The following PIP5K1B variants were observed in gnomAD, a reference collection of about 807,000 sequenced individuals.
PIP5K1B encodes the protein phosphatidylinositol 4-phosphate 5-kinase type-1 beta.
A neutral mutation model predicts 67.0 loss-of-function variants in PIP5K1B; 42 were observed. The observed-to-expected ratio is 0.63, with a 90% confidence interval of 0.49 to 0.81. PIP5K1B has a LOEUF of 0.81. Ranked by LOEUF, PIP5K1B falls within the 30% of genes least tolerant of loss-of-function variation. The probability of loss-of-function intolerance (pLI) is 0.00; values close to 1 mark genes in which losing one functional copy is unlikely to be tolerated. For synonymous variants in PIP5K1B, 214 were observed against 231.4 expected (o/e 0.92, Z 0.68); for missense variants, 459 against 646.3 (o/e 0.71, Z 3.14).
In PIP5K1B at chr9:68,932,961, A is replaced by G. The variant is rs568618502; in HGVS notation, c.1202-1929A>G. ...ACTAAAAATACAAAATTAGCCAGGC[A>G]TGGTGGCGCATGCCTGTAATCCCAG... On this transcript the variant is annotated intron_variant, in intron 12 of 15. Coordinates refer to ENST00000265382, the MANE Select transcript of PIP5K1B (RefSeq NM_003558.4). Among the ~76,000 whole-genome samples, 300 of 152,164 alleles carry G rather than the reference A, an allele frequency of 2.0e-3. 1 individual carries two copies. Among genetic ancestry groups the G allele is most frequent in the African/African-American group, 6.9e-3 (286 of 41,518 alleles).
At chr9:68,867,709 A>C (rs1416364284) in intron 5 of PIP5K1B, among the ~76,000 whole-genome samples, 1 of 152,242 alleles carries the variant, frequency 6.6e-6, no homozygotes, top group African/African-American at 2.4e-5. Flanking sequence ...ATTAAACTTC[A>C]ATAAATCAGT....
At chr9:68,999,884 T>C (rs1196694752) in intron 15 of PIP5K1B, among the ~76,000 whole-genome samples, 1 of 152,106 alleles carries the variant, frequency 6.6e-6, no homozygotes, top group Non-Finnish European at 1.5e-5. Context: ...GAAGAGCAAG[T>C]GTGTGTCTCA....
At chr9:68,968,859 A>G (rs978372769) in intron 14 of PIP5K1B, among the ~76,000 whole-genome samples, 19 of 152,192 alleles carry the variant, frequency 1.2e-4, no homozygotes, top group Middle Eastern at 6.8e-3. Context: ...AACCTCTCCA[A>G]GATTCTCTAC....
At chr9:68,948,645 C>CA (rs35143149) in intron 14 of PIP5K1B, among the ~76,000 whole-genome samples, 46,463 of 143,980 alleles carry the variant, frequency 0.32, 9,124 homozygotes, top group African/African-American at 0.55. Flanking sequence ...GACCTTGCCT[C>CA]AAAAAAAAAA....
intron 4 of PIP5K1B, among the ~76,000 whole-genome samples, chr9:68,833,303 G>A (rs1834418779): frequency 1.3e-5 from 2 of 152,272 alleles, no homozygotes; most frequent in African/African-American, 2.4e-5. Flanking sequence ...GAAGGAGGCA[G>A]TCAAGATAAG....
At chr9:68,929,434 ACCT>A (rs762806274) in intron 12 of PIP5K1B, among the ~76,000 whole-genome samples, 2 of 151,628 alleles carry the variant, frequency 1.3e-5, no homozygotes, top group African/African-American at 2.4e-5. Context: ...ATAGAAACAA[ACCT>A]CCTCAACGAT....
chr9:68,969,430 AT>A (rs1829237291), intron 14 of PIP5K1B, among the ~76,000 whole-genome samples: 2 of 151,926 alleles, frequency 1.3e-5, no homozygotes, highest in African/African-American at 4.8e-5. Flanking sequence ...CAGAGCCTCA[AT>A]CAAGGGAAGC....
intron 7 of PIP5K1B, among the ~76,000 whole-genome samples, chr9:68,893,523 A>G (rs1225675637): frequency 6.6e-6 from 1 of 151,832 alleles, no homozygotes; most frequent in Non-Finnish European, 1.5e-5. Flanking sequence ...TAGTAGAGAC[A>G]GGGTTTCACC....
chr9:68,793,387 G>A (rs1251663257), intron 2 of PIP5K1B, among the ~76,000 whole-genome samples: 1 of 152,112 alleles, frequency 6.6e-6, no homozygotes, highest in African/African-American at 2.4e-5. Context: ...GTAGAGGCAG[G>A]GGGACCAATT....
chr9:68,797,023 A>G (rs746881438), intron 2 of PIP5K1B, among the ~76,000 whole-genome samples: 20 of 152,188 alleles, frequency 1.3e-4, no homozygotes, highest in Non-Finnish European at 2.5e-4. Context: ...GTGACCATAT[A>G]TAGATCTTAG....
At chr9:68,937,877 A>G (rs943699577) in intron 13 of PIP5K1B, among the ~76,000 whole-genome samples, 1 of 152,176 alleles carries the variant, frequency 6.6e-6, no homozygotes, top group African/African-American at 2.4e-5. Flanking sequence ...GTCATTCAGG[A>G]GCAGGTTGTT....
chr9:68,961,216 C>CAAAA (rs544251006), intron 14 of PIP5K1B, among the ~76,000 whole-genome samples: 1,608 of 56,210 alleles, frequency 0.029, 42 homozygotes, highest in African/African-American at 0.11. Context: ...GACTCCGTCT[C>CAAAA]AAAAAAAAAA....
At chr9:69,006,054 A>T (rs1266423825) in intron 15 of PIP5K1B, among the ~76,000 whole-genome samples, 1 of 151,548 alleles carries the variant, frequency 6.6e-6, no homozygotes. Flanking sequence ...TAATTATTTT[A>T]TTTTATTTTT....
chr9:68,949,158 A>G (rs1564261153), intron 14 of PIP5K1B, among the ~76,000 whole-genome samples: 3 of 152,092 alleles, frequency 2.0e-5, no homozygotes, highest in Admixed American at 6.5e-5. Context: ...AAAACACTAC[A>G]TCTTTATTTC....
At chr9:68,876,408 G>A (rs2132317195) in intron 5 of PIP5K1B, among the ~76,000 whole-genome samples, 1 of 152,290 alleles carries the variant, frequency 6.6e-6, no homozygotes, top group South Asian at 2.1e-4. Flanking sequence ...GATCTTCCCA[G>A]GAAGAAGGCA....
In PIP5K1B at chr9:68,738,567, G is replaced by A. The variant is rs142724446; in HGVS notation, c.-242-3934G>A. ...TCCTTGGATCTGCGTATTCTCATCT[G>A]AAAGCTGGAGATGACAAGGGGTGGG... On this transcript the variant is annotated intron_variant, in intron 1 of 15. Coordinates refer to ENST00000265382, the MANE Select transcript of PIP5K1B (RefSeq NM_003558.4). Among the ~76,000 whole-genome samples the A allele has an allele frequency of 9.9e-4, 151 of 152,328 alleles. 1 individual carries two copies. The East Asian group carries it at 0.019, about 19-fold the overall frequency.
intron 2 of PIP5K1B, among the ~76,000 whole-genome samples, chr9:68,768,586 T>C (rs1830542008): frequency 6.6e-6 from 1 of 152,262 alleles, no homozygotes; most frequent in South Asian, 2.1e-4. Flanking sequence ...AGACAGCCTT[T>C]AGAACCTTTT....
At chr9:68,829,163 T>A (rs11143910) in intron 4 of PIP5K1B, among the ~76,000 whole-genome samples, 4,538 of 152,330 alleles carry the variant, frequency 0.03, 202 homozygotes, top group East Asian at 0.15. Context: ...GTGAAGGTAA[T>A]ACCAGTTCAA....
intron 1 of PIP5K1B, among the ~76,000 whole-genome samples, chr9:68,742,085 T>TTCAAACCA (rs1829036962): frequency 6.6e-6 from 1 of 152,234 alleles, no homozygotes; most frequent in Non-Finnish European, 1.5e-5. Context: ...TCAATGACAT[T>TTCAAACCA]ATGGGTTACA....
Sources: gnomAD v4.1 joint callset for allele counts (sites outside exome capture counted in the v4.1 genomes callset) on GRCh38, gnomAD v4.1.1 for gene constraint, MANE v1.5 for transcripts, NCBI Gene and HGNC (gene_info 2026-07-23, HGNC 2026-07-21) for gene names.